ZNF7: variants seen among roughly 807,000 people sequenced by gnomAD.
The protein encoded by ZNF7 is C2-H2 type zinc finger protein.
In ZNF7, 10 loss-of-function variants were observed where a neutral mutation model predicts 12.0. The observed-to-expected ratio is 0.83, with a 90% CI of 0.51 to 1.42. The LOEUF (loss-of-function observed/expected upper bound fraction) is 1.42. ZNF7 is among the 40% of genes most tolerant of loss of function. The pLI, the probability that ZNF7 is intolerant of heterozygous loss-of-function variation, is 0.00. For synonymous variants in ZNF7, 334 were observed against 295.0 expected, an observed-to-expected ratio of 1.13 and a Z score of -1.35; for missense variants, 854 against 837.2, an observed-to-expected ratio of 1.02 and a Z score of -0.25.
downstream of ZNF7, chr8:144,846,252 G>A (rs1830506576): frequency 1.4e-5 from 20 of 1,423,090 alleles, no homozygotes; most frequent in Non-Finnish European, 1.8e-5. Context: ...AGGGGCTGGG[G>A]TGCAAGCTTC....
chr8:144,831,522 A>G (rs1828441507), intron 3 of ZNF7, among the ~76,000 whole-genome samples: 1 of 152,154 alleles, frequency 6.6e-6, no homozygotes. Context: ...GGTGGCTCAT[A>G]TCTGTAATCC....
At chr8:144,838,412 T>G (rs1039643890) in intron 4 of ZNF7, 41 of 451,640 alleles carry the variant, frequency 9.1e-5, no homozygotes, top group Non-Finnish European at 1.5e-4. Flanking sequence ...CAGCTCCTGC[T>G]GGGCAGGCGC....
At chr8:144,833,538 G>A (rs1386770602) in intron 3 of ZNF7, among the ~76,000 whole-genome samples, 7 of 151,516 alleles carry the variant, frequency 4.6e-5, no homozygotes, top group African/African-American at 1.7e-4. Flanking sequence ...CACCACACCC[G>A]GCCAATTTTT....
downstream of ZNF7, chr8:144,846,025 T>C: frequency 6.5e-7 from 1 of 1,536,546 alleles, no homozygotes; most frequent in South Asian, 1.2e-5. Flanking sequence ...GGCACCCACA[T>C]GCACCGCCTG....
rs1385476520 is a variant in ZNF7 at position 144,842,688 on chromosome 8, C to T, written c.1581C>T (p.Cys527=). 1 of 1,614,082 alleles carries T rather than the reference C, an allele frequency of 6.2e-7. No homozygotes were observed. Among genetic ancestry groups the T allele is most frequent in the South Asian group, 1.1e-5 (1 of 91,070 alleles). The change falls in exon 5 of 5, where the codon TGC becomes TGT. Residue 527 remains cysteine (C), a synonymous_variant. Transcript: ENST00000532777. The part of the protein sequence containing the change: ...RIHKGEKPYE[C]LQCGKAFSMS... ...ATAAAGGAGAGAAGCCCTACGAATGCCTCCAATGCGGAAAAGCCTTCAGTA... is the reference window on the plus strand; with the variant it reads ...ATAAAGGAGAGAAGCCCTACGAATGTCTCCAATGCGGAAAAGCCTTCAGTA...
intron 3 of ZNF7, among the ~76,000 whole-genome samples, chr8:144,832,013 TAA>T (rs1158432524): frequency 1.0e-5 from 1 of 96,070 alleles, no homozygotes. Context: ...AGACCCTGTC[TAA>T]AAAAAAAATC....
At chr8:144,844,870 T>G (rs888879120), downstream of ZNF7, among the ~76,000 whole-genome samples, 2 of 141,608 alleles carry the variant, frequency 1.4e-5, no homozygotes, top group Non-Finnish European at 1.5e-5. Context: ...GGGGTGAGAG[T>G]GGGTTAGGAA....
At chr8:144,838,767 CCT>C (rs1335796718) in intron 4 of ZNF7, 2 of 151,264 alleles carry the variant, frequency 1.3e-5, no homozygotes, top group East Asian at 1.9e-4. Flanking sequence ...ACGGTGAAAC[CCT>C]GTGTCTACTA....
intron 3 of ZNF7, among the ~76,000 whole-genome samples, chr8:144,833,580 G>A (rs527325698): frequency 2.6e-5 from 4 of 152,104 alleles, no homozygotes; most frequent in East Asian, 1.9e-4. Context: ...GTTTCGCCAT[G>A]TTGGCCAGGC....
At chr8:144,840,790 G>C (rs1829789544) in intron 4 of ZNF7, among the ~76,000 whole-genome samples, 1 of 152,150 alleles carries the variant, frequency 6.6e-6, no homozygotes, top group Non-Finnish European at 1.5e-5. Flanking sequence ...GCAGCCAGGA[G>C]GCAGCTGAGG....
chr8:144,837,459 G>T lies in ZNF7; in HGVS notation c.199G>T (p.Asp67Tyr). The change falls in exon 4 of 5, where the codon GAC becomes TAC. Residue 67 changes from aspartate (D) to tyrosine (Y), a missense_variant. Asp to Tyr is a radical substitution (Grantham distance 160). Transcript: ENST00000532777. ...LEQGEEPWVL[D>Y]LQGAEGTEAP... ...GCAGGGAGAAGAGCCATGGGTCCTC[G>T]ACCTGCAGGGAGCAGAGGGGACAGA... The T allele has an allele frequency of 6.2e-7, 1 of 1,613,194 alleles. No homozygotes were observed. Among genetic ancestry groups the T allele is most frequent in the Non-Finnish European group, 8.5e-7 (1 of 1,179,248 alleles).
At chr8:144,832,727 CA>C (rs1420163146) in intron 3 of ZNF7, among the ~76,000 whole-genome samples, 1 of 151,954 alleles carries the variant, frequency 6.6e-6, no homozygotes, top group South Asian at 2.1e-4. Context: ...GACTCCGTCT[CA>C]AAAAAAAGTT....
intron 4 of ZNF7, chr8:144,838,033 G>C (rs148798608): frequency 7.2e-6 from 5 of 696,418 alleles, no homozygotes; most frequent in Admixed American, 2.0e-5. Context: ...ATCTGAAACC[G>C]GGGGGTCAGC....
At position 144,837,418 on chromosome 8, in the gene ZNF7, T is replaced by C; in HGVS notation, c.158T>C (p.Leu53Pro). ...LAGFLVFKPE[L>P]ISRLEQGEEP... ...GGATTCCTGGTTTTCAAGCCTGAGC[T>C]GATCTCTCGGCTGGAGCAGGGAGAA... Residue 53 changes from leucine (L) to proline (P), a missense_variant, in exon 4 of 5, where the codon CTG becomes CCG. Physicochemically the swap from Leu to Pro is moderately conservative, Grantham distance 98. Transcript: ENST00000532777. 3 of 1,612,640 alleles carry C rather than the reference T, an allele frequency of 1.9e-6. No homozygotes were observed. Among genetic ancestry groups the C allele is most frequent in the Non-Finnish European group, 2.5e-6 (3 of 1,178,776 alleles).
intron 3 of ZNF7, among the ~76,000 whole-genome samples, chr8:144,831,207 C>T (rs1033753495): frequency 6.6e-6 from 1 of 152,218 alleles, no homozygotes; most frequent in Non-Finnish European, 1.5e-5. Context: ...TTTGCTTCTC[C>T]AGGCTCAAAG....
intron 1 of ZNF7, 144 bp from the exon 2 acceptor site, chr8:144,828,899 T>C: frequency 9.8e-7 from 1 of 1,024,894 alleles, no homozygotes; most frequent in South Asian, 1.5e-5. Context: ...TCAAGTGCCA[T>C]GGCTGCTTCA....
rs1310351353 is a variant in ZNF7 at position 144,842,976 on chromosome 8, C to T, written c.1869C>T (p.Ser623=). The stretch of plus-strand genomic sequence containing the variant: ...CCCTGGAAGGGTCCACCTTTGTGAG[C>T]CGTAAAAAGGTTAATACTATAAAGA... ...GNALEGSTFV[S]RKKVNTIKKL... Residue 623 remains serine, a synonymous_variant, in exon 5 of 5, where the codon AGC becomes AGT. Coordinates refer to ENST00000532777, the MANE Select transcript of ZNF7 (RefSeq NM_003416.4). 6.2e-7 allele frequency: 1 copy of T among 1,614,022 alleles called. No individual in the cohort carries two copies. The highest frequency in any genetic ancestry group is 1.3e-5 in the African/African-American group (1 of 74,908).
chr8:144,841,222 C>G, intron 4 of ZNF7, 133 bp from the exon 5 acceptor site: 3 of 884,420 alleles, frequency 3.4e-6, no homozygotes, highest in Non-Finnish European at 5.2e-6. Flanking sequence ...TTCTCTTGCA[C>G]GTTTCCACCT....
At chr8:144,836,466 G>A (rs1188215135) in intron 3 of ZNF7, 1 of 152,194 alleles carries the variant, frequency 6.6e-6, no homozygotes, top group Non-Finnish European at 1.5e-5. Context: ...GCACCATTTT[G>A]TGGTGAGTTT....
Sources: allele counts gnomAD v4.1 joint callset (sites outside exome capture counted in the v4.1 genomes callset), GRCh38; gene constraint gnomAD v4.1.1; transcripts MANE v1.5; gene names NCBI Gene and HGNC (gene_info 2026-07-23, HGNC 2026-07-21).